The following ELP4 variants were observed in gnomAD, a reference collection of about 807,000 sequenced individuals.
The protein encoded by ELP4 is elongator complex protein 4.
A neutral mutation model predicts 48.9 loss-of-function variants in ELP4; 51 were observed. That is an observed-to-expected ratio of 1.04 (90% CI 0.83 to 1.32). The LOEUF is 1.32. Among genes scored for constraint, ELP4 ranks in the 40% most tolerant of loss-of-function variants. The probability of loss-of-function intolerance (pLI) is 0.00; values close to 1 mark genes in which losing one functional copy is unlikely to be tolerated. For synonymous variants in ELP4, 210 were observed against 189.2 expected, an observed-to-expected ratio of 1.11 and a Z score of -0.90; for missense variants, 519 against 514.6, an observed-to-expected ratio of 1.01 and a Z score of -0.08.
At chr11:31,592,850 G>A (rs1285016068) in intron 3 of ELP4, among the ~76,000 whole-genome samples, 1 of 152,000 alleles carries the variant, frequency 6.6e-6, no homozygotes. Flanking sequence ...TGAATCTCTA[G>A]TATTTTAGGG....
chr11:31,639,855 T>C (rs1386967041), intron 7 of ELP4, among the ~76,000 whole-genome samples: 1 of 152,028 alleles, frequency 6.6e-6, no homozygotes. Flanking sequence ...AAAATAACTT[T>C]GTGATGTTCT....
intron 7 of ELP4, among the ~76,000 whole-genome samples, chr11:31,636,175 A>G (rs1185591356): frequency 6.6e-6 from 1 of 151,998 alleles, no homozygotes; most frequent in Admixed American, 6.6e-5. Flanking sequence ...TCCTATTCAC[A>G]TGGAACTTTT....
At chr11:31,694,444 G>C (rs907107360) in intron 9 of ELP4, among the ~76,000 whole-genome samples, 6 of 152,102 alleles carry the variant, frequency 3.9e-5, no homozygotes, top group Admixed American at 2.0e-4. Flanking sequence ...TCTTGTTTTT[G>C]TCAGATTTGT....
chr11:31,740,040 T>C (rs1947410976), intron 9 of ELP4, among the ~76,000 whole-genome samples: 1 of 152,200 alleles, frequency 6.6e-6, no homozygotes, highest in Admixed American at 6.5e-5. Flanking sequence ...CAAGAGAAGC[T>C]TTAAGAAAGG....
At chr11:31,626,299 A>G (rs1279086694) in intron 5 of ELP4, among the ~76,000 whole-genome samples, 1 of 151,848 alleles carries the variant, frequency 6.6e-6, no homozygotes, top group African/African-American at 2.4e-5. Context: ...AAGGTCACCC[A>G]CAGCTTTTAC....
At chr11:31,719,261 G>GAAA (rs1238897258) in intron 9 of ELP4, among the ~76,000 whole-genome samples, 2 of 123,616 alleles carry the variant, frequency 1.6e-5, no homozygotes, top group South Asian at 2.6e-4. Flanking sequence ...CCCTGAAAAA[G>GAAA]AAAAAAAAAA....
At chr11:31,632,110 T>C (rs1015651649) in intron 6 of ELP4, 107 bp from the exon 7 acceptor site, 1 of 869,296 alleles carries the variant, frequency 1.2e-6, no homozygotes, top group African/African-American at 1.7e-5. Context: ...AACACATCTA[T>C]TGACATTGTC....
chr11:31,514,634 G>A (rs1330091327), intron 1 of ELP4, among the ~76,000 whole-genome samples: 1 of 152,060 alleles, frequency 6.6e-6, no homozygotes, highest in East Asian at 1.9e-4. Context: ...GTAATACATT[G>A]TATTGGGAAA....
At chr11:31,534,289 G>GTGTGTGTA (rs1034177572) in intron 2 of ELP4, among the ~76,000 whole-genome samples, 1 of 151,894 alleles carries the variant, frequency 6.6e-6, no homozygotes, top group African/African-American at 2.4e-5. Flanking sequence ...GTGTGTGTGT[G>GTGTGTGTA]TGTATGAGAG....
intron 5 of ELP4, among the ~76,000 whole-genome samples, chr11:31,610,442 G>C (rs1957957380): frequency 6.6e-6 from 1 of 152,042 alleles, no homozygotes; most frequent in Non-Finnish European, 1.5e-5. Flanking sequence ...CTGAGGTTTG[G>C]GTTTCTGTTG....
intron 3 of ELP4, among the ~76,000 whole-genome samples, chr11:31,550,271 A>T (rs1238197071): frequency 6.6e-6 from 1 of 152,160 alleles, no homozygotes; most frequent in Non-Finnish European, 1.5e-5. Flanking sequence ...TGTAAAAATA[A>T]AGTCATTAAT....
chr11:31,548,246 C>G (rs1032089450), intron 3 of ELP4, among the ~76,000 whole-genome samples: 1 of 152,186 alleles, frequency 6.6e-6, no homozygotes, highest in Non-Finnish European at 1.5e-5. Flanking sequence ...CCCATTGTCT[C>G]AGCCCAAAAT....
chr11:31,564,461 T>C (rs1957073112), intron 3 of ELP4, among the ~76,000 whole-genome samples: 1 of 151,968 alleles, frequency 6.6e-6, no homozygotes. Context: ...ACATGTGCCA[T>C]GTTGGTGTGT....
At chr11:31,708,272 A>C (rs1243695825) in intron 9 of ELP4, among the ~76,000 whole-genome samples, 1 of 152,140 alleles carries the variant, frequency 6.6e-6, no homozygotes, top group Non-Finnish European at 1.5e-5. Flanking sequence ...AAGCCACAAC[A>C]AAGCCATCAG....
chr11:31,766,616 T>A (rs1948047343), intron 9 of ELP4, among the ~76,000 whole-genome samples: 1 of 152,068 alleles, frequency 6.6e-6, no homozygotes, highest in Non-Finnish European at 1.5e-5. Flanking sequence ...TTGTAAGATA[T>A]TTAAGATAGA....
At chr11:31,596,274 G>A (rs1040952585) in intron 4 of ELP4, among the ~76,000 whole-genome samples, 8 of 152,062 alleles carry the variant, frequency 5.3e-5, no homozygotes, top group African/African-American at 1.9e-4. Flanking sequence ...GCGTGGTGGC[G>A]GGCGCCTGTA....
At chr11:31,579,927 A>C (rs1413766846) in intron 3 of ELP4, among the ~76,000 whole-genome samples, 1 of 152,170 alleles carries the variant, frequency 6.6e-6, no homozygotes, top group Non-Finnish European at 1.5e-5. Flanking sequence ...TAGAACTTAA[A>C]GTATAAAAAT....
At chr11:31,719,630 A>G (rs1255871668) in intron 9 of ELP4, 3 of 394,762 alleles carry the variant, frequency 7.6e-6, no homozygotes, top group Non-Finnish European at 1.3e-5. Flanking sequence ...TTCTTCACTA[A>G]AAGTTTTTAT....
chr11:31,723,339 C>A (rs1308588841), intron 9 of ELP4, among the ~76,000 whole-genome samples: 1 of 151,880 alleles, frequency 6.6e-6, no homozygotes, highest in African/African-American at 2.4e-5. Context: ...ACCACCCCCG[C>A]CCCCCGCCAC....
Sources: allele counts gnomAD v4.1 joint callset (sites outside exome capture counted in the v4.1 genomes callset), GRCh38; gene constraint gnomAD v4.1.1; transcripts MANE v1.5; gene names NCBI Gene and HGNC (gene_info 2026-07-23, HGNC 2026-07-21).